KIF7: variants seen among roughly 807,000 people sequenced by gnomAD.
KIF7 encodes kinesin family member 7.
Under a neutral mutation model 135.7 loss-of-function variants are expected in KIF7, and 104 were observed. The observed-to-expected ratio is 0.77, with a 90% confidence interval of 0.65 to 0.90. The LOEUF is 0.90. KIF7 is among the 40% of genes least tolerant of loss of function. KIF7 has a pLI of 0.00. For missense variants in KIF7, 2,005 were observed against 1,839.1 expected, an observed-to-expected ratio of 1.09 and a Z score of -1.65; for synonymous variants, 883 against 809.4, an observed-to-expected ratio of 1.09 and a Z score of -1.54.
rs142282670 is a variant in KIF7 at position 89,647,035 on chromosome 15, T to C, written c.1583A>G (p.Gln528Arg). 14 of 1,606,100 alleles carry C rather than the reference T, an allele frequency of 8.7e-6. No individual in the cohort carries two copies. The African/African-American group carries it at 1.7e-4, about 20-fold the overall frequency. Residue 528 changes from glutamine to arginine, a missense_variant, in exon 7 of 19, where the codon CAG becomes CGG. Gln to Arg is a conservative substitution (Grantham distance 43). Transcript: ENST00000394412. ...CAGCCGCAGTTCCACCATCTCCTCCTGCTGCTCACGCAGCCGGTCGCTCTG... is the reference window on the plus strand; with the variant it reads ...CAGCCGCAGTTCCACCATCTCCTCCCGCTGCTCACGCAGCCGGTCGCTCTG... Reference protein sequence around the residue: ...KLQSDRLREQQEEMVELRLRL... With the variant: ...KLQSDRLREQREEMVELRLRL...
At chr15:89,624,384 C>G, downstream of KIF7, 1 of 1,614,128 alleles carries the variant, frequency 6.2e-7, no homozygotes, top group East Asian at 2.2e-5. Flanking sequence ...GCCCTGTTCC[C>G]TCAACTCCCC....
chr15:89,652,455 G>A, intron 2 of KIF7, 148 bp downstream of exon 2: 1 of 684,026 alleles, frequency 1.5e-6, no homozygotes, highest in Non-Finnish European at 2.4e-6. Flanking sequence ...TCCCAGCCTG[G>A]GCCACAGATC....
intron 1 of KIF7, among the ~76,000 whole-genome samples, chr15:89,618,913 C>T (rs545582036): frequency 1.6e-4 from 25 of 152,276 alleles, no homozygotes; most frequent in African/African-American, 2.9e-4. Context: ...GAGCTATGAT[C>T]GTGCCTCTGC....
the KIF7 span, among the ~76,000 whole-genome samples, chr15:89,660,787 T>C: frequency 6.6e-6 from 1 of 152,218 alleles, no homozygotes; most frequent in Non-Finnish European, 1.5e-5. Context: ...ATGACTTGCT[T>C]TGGCCAATGG....
intron 11 of KIF7, among the ~76,000 whole-genome samples, chr15:89,640,295 TAATAA>T (rs1963894540): frequency 8.9e-6 from 1 of 112,416 alleles, no homozygotes; most frequent in Non-Finnish European, 2.2e-5. Flanking sequence ...AGTATAATAA[TAATAA>T]ATTAAAAATA....
At position 89,649,102 on chromosome 15, in the gene KIF7, G is replaced by A. The variant is rs1423923369; in HGVS notation, c.795C>T (p.Thr265=). The A allele has an allele frequency of 6.5e-7, 1 of 1,547,722 alleles. No individual in the cohort carries two copies. The highest frequency in any genetic ancestry group is 2.4e-5 in the East Asian group (1 of 40,888). ...GSERVLKTGS[T]GERLKESIQI... is the part of the protein sequence containing the mutation. ...GGATGCTCTCCTTGAGCCGCTCGCC[G>A]GTGCTGCCCGTCTTGAGCACCCTCT... The change falls in exon 4 of 19, where the codon ACC becomes ACT. Residue 265 remains threonine, a synonymous_variant. Coordinates refer to ENST00000394412, the MANE Select transcript of KIF7 (RefSeq NM_198525.3).
downstream of KIF7, among the ~76,000 whole-genome samples, chr15:89,626,367 T>C (rs1219416064): frequency 2.0e-5 from 3 of 152,276 alleles, no homozygotes; most frequent in South Asian, 2.1e-4. Context: ...GAAGGCGTTC[T>C]GAGCAGCACG....
intron 16 of KIF7, 104 bp from the exon 17 acceptor site, chr15:89,629,677 AAG>A (rs1251588235): frequency 6.8e-6 from 10 of 1,477,706 alleles, no homozygotes; most frequent in Middle Eastern, 3.4e-4. Context: ...CCACGGCACT[AAG>A]AAATCACCAG....
chr15:89,649,937 G>A lies in KIF7; in HGVS notation c.333C>T (p.Ser111=), dbSNP rs1452576966. Residue 111 remains serine (S), a synonymous_variant, in exon 3 of 19, where the codon TCC becomes TCT. Transcript: ENST00000394412. The part of the protein sequence containing the change: ...TYTMGEASVA[S]LLEDEQGIVP... ...CAATGCCCTGCTCATCCTCAAGGAGGGAGGCTGGGGAGACACCGCAGGGCC... is the reference window on the plus strand; with the variant it reads ...CAATGCCCTGCTCATCCTCAAGGAGAGAGGCTGGGGAGACACCGCAGGGCC... 7.1e-6 allele frequency: 11 copies of A among 1,550,680 alleles called. No individual in the cohort carries two copies. The East Asian group carries it at 2.4e-4, about 34-fold the overall frequency.
Position 89,649,024 on chromosome 15 carries a change from G to A in KIF7, c.873C>T (p.Asp291=), listed in dbSNP as rs1458141610. Residue 291 remains aspartate (D), a synonymous_variant, in exon 4 of 19, where the codon GAC becomes GAT. Coordinates refer to ENST00000394412, the MANE Select transcript of KIF7 (RefSeq NM_198525.3). ...ALGNVISALG[D]PQRRGSHIPY... ...GTATGTGGCTGCCCCGGCGCTGAGG[G>A]TCCCCCAGGGCGCTGATGACGTTGC... The A allele has an allele frequency of 1.9e-6, 3 of 1,547,950 alleles. No homozygotes were observed. The East Asian group carries it at 7.3e-5, about 38-fold the overall frequency.
At chr15:89,634,931 G>A (rs1246028461) in intron 11 of KIF7, among the ~76,000 whole-genome samples, 1 of 152,222 alleles carries the variant, frequency 6.6e-6, no homozygotes, top group Non-Finnish European at 1.5e-5. Flanking sequence ...GTCCCTGTCT[G>A]ACAGCTTTGA....
intron 11 of KIF7, among the ~76,000 whole-genome samples, chr15:89,640,009 G>A (rs1252202540): frequency 2.0e-5 from 3 of 152,148 alleles, no homozygotes; most frequent in Non-Finnish European, 4.4e-5. Flanking sequence ...GGATGAAACT[G>A]GAAATCATCA....
chr15:89,623,786 ACTC>A (rs1963463072), downstream of KIF7: 13 of 1,613,154 alleles, frequency 8.1e-6, no homozygotes, highest in South Asian at 1.1e-5. Context: ...TCCTTAAAAG[ACTC>A]CTCCTCACCC....
chr15:89,650,712 G>C (rs1287988058), intron 2 of KIF7, among the ~76,000 whole-genome samples: 1 of 151,904 alleles, frequency 6.6e-6, no homozygotes, highest in Admixed American at 6.6e-5. Flanking sequence ...TATTCACAAT[G>C]GAATGCCAGG....
downstream of KIF7, chr15:89,623,880 G>A (rs559529342): frequency 2.1e-5 from 34 of 1,613,814 alleles, no homozygotes; most frequent in Admixed American, 8.3e-5. Context: ...CTCTTGAAAC[G>A]AAGACACCAA....
chr15:89,630,556 G>C lies in KIF7; in HGVS notation c.3112-63C>G, dbSNP rs565121041. ...TGCCTGAATGCTGAAGTCCTGGGCA[G>C]ACATGCAACAGCCAACACGTAGCCA... is the stretch of plus-strand genomic sequence containing the variant. On this transcript the variant is annotated intron_variant, in intron 15 of 18. Coordinates refer to ENST00000394412, the MANE Select transcript of KIF7 (RefSeq NM_198525.3). The C allele has an allele frequency of 3.3e-5, 45 of 1,367,910 alleles. No individual in the cohort carries two copies. The South Asian group carries it at 5.2e-4, about 16-fold the overall frequency. 84.7% of individuals were successfully genotyped at this position (1,367,910 alleles called of 1,614,324 possible). A position where few individuals can be genotyped will look rare whatever the true frequency, so the allele number is the denominator to read the frequency against.
At chr15:89,620,168 ATTC>A (rs1963401540) in intron 1 of KIF7, among the ~76,000 whole-genome samples, 1 of 152,206 alleles carries the variant, frequency 6.6e-6, no homozygotes, top group Admixed American at 6.5e-5. Flanking sequence ...TACGTTCTTC[ATTC>A]TTCTATCCAT....
At chr15:89,618,293 T>A in intron 1 of KIF7, 1 of 1,264,380 alleles carries the variant, frequency 7.9e-7, no homozygotes, top group Non-Finnish European at 1.2e-6. Flanking sequence ...ACTTGGCATA[T>A]CCTAAGATAT....
At chr15:89,645,801 C>T (rs1005884257) in intron 8 of KIF7, 92 bp downstream of exon 8, 67 of 1,501,776 alleles carry the variant, frequency 4.5e-5, no homozygotes, top group Non-Finnish European at 5.2e-5. Context: ...TTCCCCACTG[C>T]TGTCAGGAGA....
Sources: gnomAD v4.1 joint callset for allele counts (sites outside exome capture counted in the v4.1 genomes callset) on GRCh38, gnomAD v4.1.1 for gene constraint, MANE v1.5 for transcripts, NCBI Gene and HGNC (gene_info 2026-07-23, HGNC 2026-07-21) for gene names.